The following FAAH2 variants were observed in gnomAD, a reference collection of about 807,000 sequenced individuals.
FAAH2 encodes fatty-acid amide hydrolase 2.
A neutral mutation model predicts 36.9 loss-of-function variants in FAAH2; 60 were observed. The observed-to-expected ratio is 1.63, with a 90% CI of 1.32 to 2.02. The LOEUF (loss-of-function observed/expected upper bound fraction) is 2.02. FAAH2 is among the 30% of genes most tolerant of loss of function. The pLI, the probability that FAAH2 is intolerant of heterozygous loss-of-function variation, is 0.00. For missense variants in FAAH2, 689 were observed against 397.5 expected, an observed-to-expected ratio of 1.73 and a Z score of -6.23; for synonymous variants, 214 against 143.8, an observed-to-expected ratio of 1.49 and a Z score of -3.49.
chrX:57,458,429 G>T (rs767112334), intron 10 of FAAH2, among the ~76,000 whole-genome samples: 11 of 111,051 alleles, frequency 9.9e-5, no homozygotes, highest in Non-Finnish European at 1.7e-4. Flanking sequence ...GGAGGCAGAG[G>T]TTGCAGTGAA....
At chrX:57,354,051 A>G (rs188902303) in intron 5 of FAAH2, among the ~76,000 whole-genome samples, 1 of 110,955 alleles carries the variant, frequency 9.0e-6, no homozygotes, top group Admixed American at 9.6e-5. Context: ...CAAAGGGGTA[A>G]TAATAGAACT....
intron 6 of FAAH2, among the ~76,000 whole-genome samples, chrX:57,379,163 A>C (rs755365645): frequency 9.0e-6 from 1 of 111,657 alleles, no homozygotes; most frequent in African/African-American, 3.2e-5. Flanking sequence ...GCTGCTTGGA[A>C]ATTGGTTCCC....
chrX:57,388,798 T>C (rs980341299), intron 7 of FAAH2, among the ~76,000 whole-genome samples: 59 of 111,198 alleles, frequency 5.3e-4, no homozygotes, highest in Admixed American at 4.8e-4. Context: ...AAACCACAGA[T>C]TTTTTACTGT....
chrX:57,253,997 G>T, the FAAH2 span, among the ~76,000 whole-genome samples: 2 of 110,952 alleles, frequency 1.8e-5, no homozygotes, highest in Admixed American at 9.6e-5. Context: ...TGGCAAATTA[G>T]ATAAAGAGTG....
chrX:57,480,952 T>G (rs2057368339), intron 10 of FAAH2, among the ~76,000 whole-genome samples: 1 of 110,519 alleles, frequency 9.0e-6, no homozygotes, highest in South Asian at 3.9e-4. Flanking sequence ...TCACTCTTTT[T>G]TTTTTCTAAT....
chrX:57,222,921 A>G, the FAAH2 span, among the ~76,000 whole-genome samples: 2 of 111,051 alleles, frequency 1.8e-5, no homozygotes, highest in African/African-American at 6.6e-5. Flanking sequence ...GTGTCACCCC[A>G]CACACACACA....
chrX:57,457,777 A>G (rs2147206432), intron 10 of FAAH2, among the ~76,000 whole-genome samples: 1 of 110,057 alleles, frequency 9.1e-6, no homozygotes, highest in East Asian at 2.9e-4. Flanking sequence ...ACTGCAAAAC[A>G]CAGCTAAAAG....
At chrX:57,399,010 G>A (rs1308523005) in intron 7 of FAAH2, among the ~76,000 whole-genome samples, 2 of 111,383 alleles carry the variant, frequency 1.8e-5, no homozygotes, top group African/African-American at 3.3e-5. Flanking sequence ...TTGGAGGGGT[G>A]CCTTTGATGT....
At chrX:57,237,713 C>A in the FAAH2 span, among the ~76,000 whole-genome samples, 2 of 109,659 alleles carry the variant, frequency 1.8e-5, no homozygotes, top group African/African-American at 6.6e-5. Context: ...AAACAGACAA[C>A]CTAAAGAATG....
intron 4 of FAAH2, among the ~76,000 whole-genome samples, chrX:57,334,393 A>G (rs1304650713): frequency 1.8e-5 from 2 of 110,845 alleles, no homozygotes; most frequent in Non-Finnish European, 3.8e-5. Flanking sequence ...AGAAATAAAG[A>G]TGCTCTGAGA....
chrX:57,205,876 C>T, the FAAH2 span, among the ~76,000 whole-genome samples: 1 of 111,573 alleles, frequency 9.0e-6, no homozygotes, highest in Non-Finnish European at 1.9e-5. Context: ...ATGAGAAGGA[C>T]AATAATTTTT....
At chrX:57,146,808 A>T in the FAAH2 span, among the ~76,000 whole-genome samples, 1 of 111,742 alleles carries the variant, frequency 8.9e-6, no homozygotes, top group South Asian at 3.7e-4. Context: ...CTTTTTCTTC[A>T]TCTATTGAGA....
chrX:57,166,870 T>G, the FAAH2 span, among the ~76,000 whole-genome samples: 1 of 111,971 alleles, frequency 8.9e-6, no homozygotes, highest in Non-Finnish European at 1.9e-5. Flanking sequence ...TGATCTTCAA[T>G]TACTGGGCTG....
At chrX:57,404,554 A>G (rs939696398) in intron 7 of FAAH2, among the ~76,000 whole-genome samples, 1 of 111,711 alleles carries the variant, frequency 9.0e-6, no homozygotes, top group Non-Finnish European at 1.9e-5. Flanking sequence ...GCTCATGTCA[A>G]GAGTTGTATG....
chrX:57,400,925 A>G (rs781179524), intron 7 of FAAH2, among the ~76,000 whole-genome samples: 13 of 111,148 alleles, frequency 1.2e-4, no homozygotes, highest in Non-Finnish European at 1.9e-4. Flanking sequence ...GATTGAGACC[A>G]TCCTGGCCAA....
chrX:57,391,758 G>A (rs939815026), intron 7 of FAAH2, among the ~76,000 whole-genome samples: 1 of 110,541 alleles, frequency 9.0e-6, no homozygotes, highest in Non-Finnish European at 1.9e-5. Context: ...CAGATAATGT[G>A]GGGCCTCTTT....
At chrX:57,296,531 T>G (rs761579959) in intron 2 of FAAH2, among the ~76,000 whole-genome samples, 1 of 111,317 alleles carries the variant, frequency 9.0e-6, no homozygotes, top group Non-Finnish European at 1.9e-5. Flanking sequence ...CCAGAAACTC[T>G]AAAAATCAGA....
chrX:57,379,535 T>G (rs1019483067), intron 6 of FAAH2, among the ~76,000 whole-genome samples: 1 of 107,292 alleles, frequency 9.3e-6, no homozygotes, highest in Non-Finnish European at 1.9e-5. Context: ...TCTCTCGCTC[T>G]CTCTCTCTCT....
In FAAH2 at chrX:57,336,500, G is replaced by A. The variant is rs180683534; in HGVS notation, c.622+4693G>A. ...GTCTCTTATGTCTACTTCTTTCTAC[G>A]CAGACACAGTAACAATCTGATCTCT... On this transcript the variant is annotated intron_variant, in intron 4 of 10. Transcript: ENST00000374900. Among the ~76,000 whole-genome samples, 9 of 111,175 alleles carry A rather than the reference G, an allele frequency of 8.1e-5. No homozygotes were observed. In the East Asian group the frequency reaches 2.0e-3, roughly 25 times the overall value.
Sources: gnomAD v4.1 joint callset for allele counts (sites outside exome capture counted in the v4.1 genomes callset) on GRCh38, gnomAD v4.1.1 for gene constraint, MANE v1.5 for transcripts, NCBI Gene and HGNC (gene_info 2026-07-23, HGNC 2026-07-21) for gene names.